OSER1: variants seen among roughly 807,000 people sequenced by gnomAD.
The protein encoded by OSER1 is oxidative stress-responsive serine-rich protein 1.
OSER1 carries 15 observed loss-of-function variants against 26.3 expected under a neutral mutation model. That is an observed-to-expected ratio of 0.57 (90% CI 0.38 to 0.88). OSER1 has a LOEUF of 0.88. OSER1 is among the 40% of genes least tolerant of loss of function. The pLI, the probability that OSER1 is intolerant of heterozygous loss-of-function variation, is 0.00. For missense variants in OSER1, 313 were observed against 353.9 expected (o/e 0.88, Z 0.93); for synonymous variants, 127 against 128.2 (o/e 0.99, Z 0.07).
intron 2 of OSER1, among the ~76,000 whole-genome samples, chr20:44,205,386 T>C (rs540679379): frequency 6.6e-6 from 1 of 152,358 alleles, no homozygotes; most frequent in African/African-American, 2.4e-5. Context: ...AGTACTGATA[T>C]GAACTGGCAA....
At chr20:44,203,166 A>G (rs1489123880) in intron 2 of OSER1, 92 bp from the exon 3 acceptor site, 14 of 614,884 alleles carry the variant, frequency 2.3e-5, no homozygotes, top group Admixed American at 5.8e-5. Context: ...TTTTATCAAT[A>G]CATTTTTTTT....
At position 44,197,684 on chromosome 20, in the gene OSER1, T is replaced by C. The variant is rs2072935443; in HGVS notation, c.247A>G (p.Lys83Glu). 6.2e-7 allele frequency: 1 copy of C among 1,614,058 alleles called. No individual in the cohort carries two copies. The highest frequency in any genetic ancestry group is 1.3e-5 in the African/African-American group (1 of 75,028). ...TTTGGAGGATGAAGGACAGGAGACT[T>C]AGAACGTCGACGACGCTGAGTTCTC... The part of the protein sequence containing the change: ...AVRTQRRRRS[K>E]SPVLHPPKFI... The change falls in exon 4 of 4, where the codon AAG becomes GAG. Residue 83 changes from lysine to glutamate, a missense_variant. Physicochemically the swap from Lys to Glu is moderately conservative, Grantham distance 56 (BLOSUM62 1). Around this residue, in one of 2 missense-constraint regions of OSER1, gnomAD observed 300 missense variants for 318.3 expected, o/e 0.94. Transcript: ENST00000255174.
upstream of OSER1, chr20:44,210,826 GCCTGCGC>G (rs937745610): frequency 6.6e-6 from 1 of 152,468 alleles, no homozygotes; most frequent in Non-Finnish European, 1.5e-5. Flanking sequence ...GTCGCGTTGC[GCCTGCGC>G]ACTCCGGCAT....
chr20:44,203,950 T>A (rs2073013816), intron 2 of OSER1, among the ~76,000 whole-genome samples: 1 of 152,192 alleles, frequency 6.6e-6, no homozygotes, highest in African/African-American at 2.4e-5. Context: ...TACAAAGAAC[T>A]TTTAATGATA....
Position 44,197,654 on chromosome 20 carries a change from T to C in OSER1, c.277A>G (p.Ile93Val), listed in dbSNP as rs1242458678. Residue 93 changes from isoleucine (I) to valine (V), a missense_variant, in exon 4 of 4, where the codon ATA (isoleucine) becomes GTA (valine). Around this residue, in one of 2 missense-constraint regions of OSER1, gnomAD observed 300 missense variants for 318.3 expected, o/e 0.94. Transcript: ENST00000255174. ...KSPVLHPPKF[I>V]HCSTIASSSS... ...GAAGACGCTATTGTACTGCAATGTATAAACTTTGGAGGATGAAGGACAGGA... is the reference window on the plus strand; with the variant it reads ...GAAGACGCTATTGTACTGCAATGTACAAACTTTGGAGGATGAAGGACAGGA... The C allele has an allele frequency of 3.7e-6, 6 of 1,613,934 alleles. No individual in the cohort carries two copies. Among genetic ancestry groups the C allele is most frequent in the Non-Finnish European group, 5.1e-6 (6 of 1,179,936 alleles).
At chr20:44,200,133 C>G (rs1205070110) in intron 3 of OSER1, among the ~76,000 whole-genome samples, 1 of 152,230 alleles carries the variant, frequency 6.6e-6, no homozygotes, top group Non-Finnish European at 1.5e-5. Context: ...AGCGCCCGCA[C>G]TAGCTAACAT....
In OSER1 at chr20:44,203,051, CCAA is replaced by C. The variant is rs748453959; in HGVS notation, c.98_100del (p.Val33del). 1 of 1,610,180 alleles carries C rather than the reference CCAA, an allele frequency of 6.2e-7. No homozygotes were observed. The highest frequency in any genetic ancestry group is 1.3e-5 in the African/African-American group (1 of 74,820). On this transcript the variant is annotated inframe_deletion, in exon 3 of 4. Coordinates refer to ENST00000255174, the MANE Select transcript of OSER1 (RefSeq NM_016470.8). ...TGGTGCTCTGACACCTGTGCCTTCT[CCAA>C]CAGACAGAGATGCTACAGACCTGAA...
At chr20:44,205,131 G>A (rs760466258) in intron 2 of OSER1, among the ~76,000 whole-genome samples, 10 of 152,166 alleles carry the variant, frequency 6.6e-5, no homozygotes, top group African/African-American at 1.7e-4. Flanking sequence ...CATCATGCCC[G>A]GCCTGGCTTT....
chr20:44,196,936 G>T lies in OSER1; in HGVS notation c.*116C>A. 1 of 708,052 alleles carries T rather than the reference G, an allele frequency of 1.4e-6. No individual in the cohort carries two copies. Among genetic ancestry groups the T allele is most frequent in the Non-Finnish European group, 2.4e-6 (1 of 413,482 alleles). 43.9% of individuals were successfully genotyped at this position (708,052 alleles called of 1,614,324 possible). A position where few individuals can be genotyped will look rare whatever the true frequency, so the allele number is the denominator to read the frequency against. On this transcript the variant is annotated 3_prime_UTR_variant, in exon 4 of 4. Coordinates refer to ENST00000255174, the MANE Select transcript of OSER1 (RefSeq NM_016470.8). ...ATGCCAAGAAAAGTTTTTATTGCAA[G>T]CACAGTGAGCAGAAAGAGATGTCTT...
intron 1 of OSER1, among the ~76,000 whole-genome samples, chr20:44,208,110 C>G (rs1043309269): frequency 3.0e-4 from 23 of 77,820 alleles, no homozygotes; most frequent in African/African-American, 1.5e-3. Context: ...CTTTACCCGC[C>G]CCCCCCCGCC....
intron 3 of OSER1, among the ~76,000 whole-genome samples, chr20:44,198,371 G>A (rs891114990): frequency 3.9e-5 from 6 of 152,158 alleles, no homozygotes; most frequent in African/African-American, 1.2e-4. Flanking sequence ...TGTAATCCCA[G>A]CACTTTGGGA....
intron 3 of OSER1, among the ~76,000 whole-genome samples, chr20:44,198,358 G>A (rs188377176): frequency 1.2e-4 from 18 of 152,268 alleles, no homozygotes; most frequent in East Asian, 3.9e-4. Flanking sequence ...GGTGGCTCAC[G>A]CCTGTAATCC....
At chr20:44,204,714 C>A (rs980469094) in intron 2 of OSER1, among the ~76,000 whole-genome samples, 13 of 152,138 alleles carry the variant, frequency 8.5e-5, no homozygotes, top group East Asian at 5.8e-4. Flanking sequence ...CAATGTTTAG[C>A]CCCCACTTCT....
chr20:44,203,975 T>A (rs2145931100), intron 2 of OSER1, among the ~76,000 whole-genome samples: 1 of 152,336 alleles, frequency 6.6e-6, no homozygotes, highest in South Asian at 2.1e-4. Context: ...GGAATGCTTA[T>A]AAGGAGAAAG....
At chr20:44,210,328 A>G (rs2073088307) in intron 1 of OSER1, among the ~76,000 whole-genome samples, 1 of 152,188 alleles carries the variant, frequency 6.6e-6, no homozygotes, top group Admixed American at 6.5e-5. Context: ...GGGGCCGAAG[A>G]GGTAGCCAAA....
chr20:44,209,438 T>C (rs1422432581), intron 1 of OSER1, among the ~76,000 whole-genome samples: 1 of 152,160 alleles, frequency 6.6e-6, no homozygotes, highest in Non-Finnish European at 1.5e-5. Flanking sequence ...CATCCCCAGA[T>C]CCCCATTCAA....
At chr20:44,197,786 G>C in intron 3 of OSER1, 47 bp from the exon 4 acceptor site, 1 of 1,253,956 alleles carries the variant, frequency 8.0e-7, no homozygotes, top group African/African-American at 1.5e-5. Flanking sequence ...ATATGGAGCT[G>C]TCCTAAACAG....
At chr20:44,203,405 C>A (rs980720239) in intron 2 of OSER1, among the ~76,000 whole-genome samples, 1 of 152,196 alleles carries the variant, frequency 6.6e-6, no homozygotes, top group African/African-American at 2.4e-5. Flanking sequence ...CTTATGCGGG[C>A]AAACCAGAGT....
chr20:44,209,923 T>A (rs979113667), intron 1 of OSER1: 1 of 151,982 alleles, frequency 6.6e-6, no homozygotes, highest in Non-Finnish European at 1.5e-5. Context: ...GCGTAGAGTA[T>A]GGGGAAGAAA....
Sources: allele counts gnomAD v4.1 joint callset (sites outside exome capture counted in the v4.1 genomes callset), GRCh38; gene constraint gnomAD v4.1.1; regional missense constraint gnomAD v4.1.1; transcripts MANE v1.5; gene names NCBI Gene and HGNC (gene_info 2026-07-23, HGNC 2026-07-21).